SGIP1: variants seen among roughly 807,000 people sequenced by gnomAD.
SGIP1 encodes the protein SH3GL interacting endocytic adaptor 1, also known as SH3-containing GRB2-like protein 3-interacting protein 1.
In SGIP1, 38 loss-of-function variants were observed where a neutral mutation model predicts 107.5. The observed-to-expected ratio is 0.35, with a 90% CI of 0.27 to 0.46. The LOEUF (loss-of-function observed/expected upper bound fraction) is 0.46. Among genes scored for constraint, SGIP1 ranks in the 20% least tolerant of loss-of-function variants. SGIP1 has a pLI of 1.00. For missense variants in SGIP1, 929 were observed against 1,019.5 expected (o/e 0.91, Z 1.21); for synonymous variants, 365 against 366.1 (o/e 1.00, Z 0.03).
chr1:66,551,102 A>T (rs2057333810), intron 1 of SGIP1, among the ~76,000 whole-genome samples: 1 of 152,166 alleles, frequency 6.6e-6, no homozygotes, highest in South Asian at 2.1e-4. Context: ...AACTCACCAT[A>T]TCAATGGTAC....
At chr1:66,634,009 C>A in intron 3 of SGIP1, 1 of 1,386,026 alleles carries the variant, frequency 7.2e-7, no homozygotes, top group Non-Finnish European at 1.0e-6. Flanking sequence ...TGGTTCTTAC[C>A]ATGAAATGTT....
intron 5 of SGIP1, among the ~76,000 whole-genome samples, chr1:66,640,742 G>T (rs1484506902): frequency 1.4e-5 from 2 of 142,136 alleles, no homozygotes; most frequent in Non-Finnish European, 3.0e-5. Context: ...CCAGGGACGG[G>T]TTTTTAGCAG....
At position 66,743,263 on chromosome 1, in the gene SGIP1, G is replaced by A. The variant is rs764391994; in HGVS notation, c.*168G>A. The A allele has an allele frequency of 1.2e-4, 74 of 610,962 alleles. No individual in the cohort carries two copies. The highest frequency in any genetic ancestry group is 2.3e-5 in the Non-Finnish European group (8 of 344,598). 37.8% of individuals were successfully genotyped at this position (610,962 alleles called of 1,614,324 possible). ...GATTTCCCTCACACACTACCATGAT[G>A]ACCAGTCCTACAGTATTTACTTCTA... On this transcript the variant is annotated 3_prime_UTR_variant, in exon 25 of 25. Transcript: ENST00000371037.
intron 6 of SGIP1, 63 bp from the exon 7 acceptor site, chr1:66,643,481 C>G: frequency 7.1e-7 from 1 of 1,417,308 alleles, no homozygotes; most frequent in Non-Finnish European, 9.7e-7. Flanking sequence ...TGCAATTGCT[C>G]TTGTCTTGGA....
At chr1:66,624,396 A>G (rs1215899046) in intron 1 of SGIP1, among the ~76,000 whole-genome samples, 1 of 152,242 alleles carries the variant, frequency 6.6e-6, no homozygotes, top group Non-Finnish European at 1.5e-5. Flanking sequence ...TTAAATGTCA[A>G]TACATTTTCC....
At chr1:66,554,613 T>C (rs541469976) in intron 1 of SGIP1, among the ~76,000 whole-genome samples, 77 of 152,266 alleles carry the variant, frequency 5.1e-4, no homozygotes, top group African/African-American at 1.8e-3. Context: ...TTTAAAATAG[T>C]GCTTAGAATT....
rs541937282 is a variant in SGIP1, at chr1:66,690,785, G to A, written c.1570+469G>A. On this transcript the variant is annotated intron_variant, in intron 17 of 24. Coordinates refer to ENST00000371037, the MANE Select transcript of SGIP1 (RefSeq NM_032291.4). ...TATGTTGACAGATGATATAAACATC[G>A]GCACTGTGAGACTTGAGCAAACTTT... is the stretch of plus-strand genomic sequence containing the variant. 3.3e-5 allele frequency among the ~76,000 whole-genome samples: 5 copies of A among 152,174 alleles called. No individual in the cohort carries two copies. In the East Asian group the frequency reaches 7.7e-4, roughly 24 times the overall value.
intron 8 of SGIP1, among the ~76,000 whole-genome samples, chr1:66,661,026 C>CA (rs945574215): frequency 1.3e-5 from 2 of 152,054 alleles, no homozygotes; most frequent in Non-Finnish European, 2.9e-5. Flanking sequence ...CTGGAATTGT[C>CA]AGAGTCTGGA....
At chr1:66,664,491 A>G (rs1462374889) in intron 8 of SGIP1, among the ~76,000 whole-genome samples, 1 of 152,184 alleles carries the variant, frequency 6.6e-6, no homozygotes, top group African/African-American at 2.4e-5. Flanking sequence ...GCTTGGCATC[A>G]TAGAAGCAAT....
intron 13 of SGIP1, among the ~76,000 whole-genome samples, chr1:66,678,220 T>C (rs1228691890): frequency 1.3e-5 from 2 of 152,248 alleles, no homozygotes; most frequent in East Asian, 3.8e-4. Flanking sequence ...AAAAGCTTTC[T>C]TTACAGACCT....
intron 1 of SGIP1, among the ~76,000 whole-genome samples, chr1:66,617,009 A>G (rs973276691): frequency 1.3e-5 from 2 of 152,154 alleles, no homozygotes; most frequent in African/African-American, 4.8e-5. Flanking sequence ...GCTCAGAATG[A>G]TGAGGTATTA....
chr1:66,612,651 A>G lies in SGIP1; in HGVS notation c.11-13196A>G, dbSNP rs185335976. 9.3e-4 allele frequency among the ~76,000 whole-genome samples: 141 copies of G among 152,334 alleles called. 1 individual carries two copies. The highest frequency in any genetic ancestry group is 1.6e-3 in the Non-Finnish European group (109 of 68,028). On this transcript the variant is annotated intron_variant, in intron 1 of 24. Transcript: ENST00000371037. The stretch of plus-strand genomic sequence containing the variant: ...ACCCATTTTCTCATTTAATACAATA[A>G]TCATGTGAAGAAGGCATAGAATGTG...
chr1:66,643,928 A>G (rs529698233), intron 7 of SGIP1: 2 of 351,990 alleles, frequency 5.7e-6, no homozygotes, highest in Admixed American at 4.7e-5. Context: ...CAAAAAGGTG[A>G]AAAATATATG....
chr1:66,733,638 T>A, intron 20 of SGIP1, 110 bp from the exon 21 acceptor site: 1 of 1,143,688 alleles, frequency 8.7e-7, no homozygotes, highest in Non-Finnish European at 1.2e-6. Context: ...TCTCTACAAA[T>A]TGTCAAAAAA....
chr1:66,671,466 C>T (rs561331231), intron 10 of SGIP1, among the ~76,000 whole-genome samples: 8 of 152,244 alleles, frequency 5.3e-5, no homozygotes, highest in Non-Finnish European at 1.0e-4. Flanking sequence ...GCACAATTTT[C>T]CTCTGCTGCA....
intron 1 of SGIP1, among the ~76,000 whole-genome samples, chr1:66,617,248 G>A (rs1460274167): frequency 6.6e-6 from 1 of 152,020 alleles, no homozygotes; most frequent in Non-Finnish European, 1.5e-5. Context: ...CTACTTCCTG[G>A]CACTTGCCTT....
Position 66,689,235 on chromosome 1 carries a change from G to A in SGIP1, c.1403G>A (p.Arg468Gln), listed in dbSNP as rs756884311. The A allele has an allele frequency of 3.3e-5, 54 of 1,613,442 alleles. No homozygotes were observed. The highest frequency in any genetic ancestry group is 1.3e-4 in the South Asian group (12 of 90,980). ...PPPPPPRPPSRPKLPPGKPGV... is the reference protein window; with the variant it reads ...PPPPPPRPPSQPKLPPGKPGV... Reference sequence around the variant, plus strand: ...CCACCTCCTCCCCGGCCTCCATCCCGGCCAAAGCTACCTCCAGGAAAACCT... The same window carrying A: ...CCACCTCCTCCCCGGCCTCCATCCCAGCCAAAGCTACCTCCAGGAAAACCT... Residue 468 changes from arginine to glutamine, a missense_variant, in exon 16 of 25, where the codon CGG (arginine) becomes CAG (glutamine). Transcript: ENST00000371037.
chr1:66,611,587 T>C (rs2068009955), intron 1 of SGIP1, among the ~76,000 whole-genome samples: 1 of 152,234 alleles, frequency 6.6e-6, no homozygotes, highest in South Asian at 2.1e-4. Flanking sequence ...GTAAAGTATC[T>C]GAGGTGACTT....
At chr1:66,611,868 C>G (rs928496254) in intron 1 of SGIP1, among the ~76,000 whole-genome samples, 1 of 152,094 alleles carries the variant, frequency 6.6e-6, no homozygotes, top group East Asian at 1.9e-4. Flanking sequence ...ACAGATTCAG[C>G]TTTAGTTTAT....
Sources: allele counts gnomAD v4.1 joint callset (sites outside exome capture counted in the v4.1 genomes callset), GRCh38; gene constraint gnomAD v4.1.1; transcripts MANE v1.5; gene names NCBI Gene and HGNC (gene_info 2026-07-23, HGNC 2026-07-21).